The following C4orf50 variants were observed in gnomAD, a reference collection of about 807,000 sequenced individuals.
C4orf50 encodes the protein uncharacterized protein C4orf50.
A neutral mutation model predicts 77.2 loss-of-function variants in C4orf50; 80 were observed. The observed-to-expected ratio is 1.04, with a 90% CI of 0.87 to 1.25. C4orf50 has a LOEUF of 1.25. Ranked by LOEUF, C4orf50 falls within the 50% of genes most tolerant of loss-of-function variation. C4orf50 has a pLI of 0.00. For synonymous variants in C4orf50, 532 were observed against 465.3 expected (o/e 1.14, Z -1.84); for missense variants, 1,257 against 1,152.9 (o/e 1.09, Z -1.31).
At chr4:5,989,349 AGGC>A in exon 28 of C4orf50, 1 of 1,535,952 alleles carries the variant, frequency 6.5e-7, no homozygotes, top group Non-Finnish European at 8.7e-7. Flanking sequence ...CATCCCAATG[AGGC>A]AGTGTCCCTG....
intron 29 of C4orf50, among the ~76,000 whole-genome samples, chr4:5,977,637 T>A (rs947359564): frequency 4.6e-5 from 7 of 152,244 alleles, no homozygotes; most frequent in African/African-American, 1.7e-4. Flanking sequence ...TTTCTTTGTT[T>A]TACAAAGAAG....
In C4orf50 at chr4:6,008,244, C is replaced by A; in HGVS notation, c.715G>T (p.Glu239Ter). 2 of 395,370 alleles carry A rather than the reference C, an allele frequency of 5.1e-6. No individual in the cohort carries two copies. Among genetic ancestry groups the A allele is most frequent in the Non-Finnish European group, 4.5e-6 (1 of 223,914 alleles). The allele number at this position is 395,370 out of a possible 1,614,324, so 24.5% of individuals were successfully genotyped here. A position where few individuals can be genotyped will look rare whatever the true frequency, so the allele number is the denominator to read the frequency against. ...GCCCTCGCCTGCAGGGCGCGCAGTT[C>A]CGCAGCCGCCTCGGTGGCGCCCTGG... Residue 239 changes from glutamate (E) to a stop codon, truncating the protein, a stop_gained, in exon 25 of 34, where the codon GAA becomes TAA. Transcript: ENST00000531445. LOFTEE classifies it high-confidence loss of function. The surrounding 1 kb of genome is among the most constrained non-coding windows in gnomAD (Gnocchi z 6.0).
chr4:5,920,348 G>A (rs1270529053), intron 7 of C4orf50, among the ~76,000 whole-genome samples: 11 of 152,170 alleles, frequency 7.2e-5, no homozygotes, highest in Admixed American at 2.6e-4. Context: ...AGCTGGTTGC[G>A]ATGATGAAGT....
At chr4:5,987,412 C>CAAAAAAAAAAAAAAAAAAAAAAAA (rs58512584) in intron 28 of C4orf50, among the ~76,000 whole-genome samples, 3 of 33,646 alleles carry the variant, frequency 8.9e-5, no homozygotes, top group African/African-American at 1.8e-4. Flanking sequence ...CTCTGTCTCA[C>CAAAAAAAAAAAAAAAAAAAAAAAA]AAAAAAAAAA....
intron 26 of C4orf50, among the ~76,000 whole-genome samples, 173 bp downstream of exon 4, chr4:5,994,174 C>T (rs1204164384): frequency 6.6e-6 from 1 of 152,214 alleles, no homozygotes. Flanking sequence ...CCTGCAGCAG[C>T]TGTGTGACCC....
rs770041163 is a variant in C4orf50, at chr4:6,011,857, C to T, written c.399G>A (p.Ala133=). 1.4e-4 allele frequency: 55 copies of T among 398,974 alleles called. No individual in the cohort carries two copies. The highest frequency in any genetic ancestry group is 6.2e-4 in the Middle Eastern group (1 of 1,610). 24.7% of individuals were successfully genotyped at this position (398,974 alleles called of 1,614,324 possible). A position where few individuals can be genotyped will look rare whatever the true frequency, so the allele number is the denominator to read the frequency against. The change falls in exon 24 of 34, where the codon GCG becomes GCA. Residue 133 remains alanine, a synonymous_variant. Transcript: ENST00000531445. This position sits in a 1 kb window ranked among gnomAD's most constrained non-coding sequence, Gnocchi z 4.2. ...GGCTGGCCAGCTCCCCCTGCAGCGC[C>T]GCCAGCTTCTCCTGGGCCTGGAGCC...
intron 23 of C4orf50, among the ~76,000 whole-genome samples, chr4:6,014,967 G>T (rs912907069): frequency 6.6e-6 from 1 of 152,184 alleles, no homozygotes; most frequent in African/African-American, 2.4e-5. Flanking sequence ...CTCCCCCATG[G>T]AGGGGTCTCC....
chr4:5,927,629 G>C (rs1271490330), intron 7 of C4orf50, among the ~76,000 whole-genome samples: 3 of 150,144 alleles, frequency 2.0e-5, no homozygotes, highest in African/African-American at 7.5e-5. Context: ...CTCTCCCTCT[G>C]TCTCTCTCTC....
At chr4:5,918,569 G>C (rs1349292814) in intron 7 of C4orf50, among the ~76,000 whole-genome samples, 1 of 152,184 alleles carries the variant, frequency 6.6e-6, no homozygotes, top group Non-Finnish European at 1.5e-5. Flanking sequence ...GGAGCTCAGG[G>C]CTGTGCCTGG....
At chr4:5,990,044 G>A (rs1721168098) in exon 28 of C4orf50, 7 of 1,349,518 alleles carry the variant, frequency 5.2e-6, no homozygotes, top group East Asian at 5.3e-5. Context: ...GTGGCTGGGG[G>A]TGCCACTTCC....
chr4:5,991,348 G>A (rs1178804100), intron 27 of C4orf50, among the ~76,000 whole-genome samples: 4 of 152,222 alleles, frequency 2.6e-5, no homozygotes, highest in African/African-American at 4.8e-5. Context: ...CTTGGGCAGT[G>A]CAGATGCAGA....
At chr4:5,959,763 T>C (rs1719171491) in intron 33 of C4orf50, 137 bp from the exon 12 acceptor site, 1 of 1,002,932 alleles carries the variant, frequency 1.0e-6, no homozygotes, top group African/African-American at 1.7e-5. Context: ...TGGCACCAAA[T>C]ACTCCTCACA....
rs760449508 is a variant in C4orf50 at position 5,980,153 on chromosome 4, GA to G, written c.3864+20del. ...GTGGGAGCCCTGGCTGACAAGAGGG[GA>G]AAGAAAGCACTTCCCACACCTTGGC... On this transcript the variant is annotated intron_variant, in intron 29 of 33. Coordinates refer to ENST00000531445, the Ensembl canonical transcript of C4orf50. The G allele has an allele frequency of 2.6e-6, 4 of 1,551,534 alleles. No homozygotes were observed. The East Asian group carries it at 6.9e-5, about 27-fold the overall frequency.
At chr4:5,967,325 TCTCCCCTCTG>T in intron 32 of C4orf50, 79 bp downstream of exon 10, 3 of 1,007,864 alleles carry the variant, frequency 3.0e-6, no homozygotes, top group Non-Finnish European at 4.8e-6. Flanking sequence ...ACAGTGGGCA[TCTCCCCTCTG>T]GCCCACCTCT....
At chr4:5,940,104 T>A (rs2108750341) in intron 7 of C4orf50, among the ~76,000 whole-genome samples, 1 of 152,334 alleles carries the variant, frequency 6.6e-6, no homozygotes, top group South Asian at 2.1e-4. Context: ...ATTAAATATG[T>A]ATATTTGGCC....
chr4:5,902,710 T>G (rs1291816583), intron 7 of C4orf50: 1 of 152,164 alleles, frequency 6.6e-6, no homozygotes, highest in Non-Finnish European at 1.5e-5. Context: ...CCTGTGCTTT[T>G]AGTAACACCC....
At chr4:6,013,459 G>T (rs1192614093) in intron 23 of C4orf50, among the ~76,000 whole-genome samples, 3 of 152,218 alleles carry the variant, frequency 2.0e-5, no homozygotes, top group Non-Finnish European at 4.4e-5. Flanking sequence ...CTTAAACGGA[G>T]CAGAAAATGA....
Position 6,011,328 on chromosome 4 carries a change from T to G in C4orf50, c.426+502A>C, listed in dbSNP as rs1432047999. Among the ~76,000 whole-genome samples the G allele has an allele frequency of 6.6e-6, 1 of 152,030 alleles. No individual in the cohort carries two copies. The highest frequency in any genetic ancestry group is 1.5e-5 in the Non-Finnish European group (1 of 67,994). The stretch of plus-strand genomic sequence containing the variant: ...GATATCCTCTGTGTTCTCCCACACC[T>G]CTGTGCTACGGCCCCGTGCTGTCAG... On this transcript the variant is annotated intron_variant, in intron 24 of 33. Transcript: ENST00000531445. The surrounding 1 kb of genome is among the most constrained non-coding windows in gnomAD (Gnocchi z 4.2).
chr4:5,959,686 A>T, intron 33 of C4orf50, 60 bp from the exon 12 acceptor site: 2 of 1,545,668 alleles, frequency 1.3e-6, no homozygotes, highest in African/African-American at 1.4e-5. Flanking sequence ...AAGCCCCTCC[A>T]TTCACACATT....
Sources: gnomAD v4.1 joint callset for allele counts (sites outside exome capture counted in the v4.1 genomes callset) on GRCh38, gnomAD v4.1.1 for gene constraint, Gnocchi (gnomAD v3.1) non-coding constraint, MANE v1.5 for transcripts, NCBI Gene and HGNC (gene_info 2026-07-23, HGNC 2026-07-21) for gene names.